Variants in FBRSL1 observed in about 807,000 individuals in gnomAD.
FBRSL1 encodes fibrosin like 1.
Under a neutral mutation model 89.6 loss-of-function variants are expected in FBRSL1, and 51 were observed. The ratio of observed to expected loss-of-function variants is 0.57; its 90% CI spans 0.45 to 0.72. FBRSL1 has a LOEUF of 0.72. Among genes scored for constraint, FBRSL1 ranks in the 30% least tolerant of loss-of-function variants. The probability of loss-of-function intolerance (pLI) is 0.00; values close to 1 mark genes in which losing one functional copy is unlikely to be tolerated. For missense variants in FBRSL1, 1,618 were observed against 1,451.8 expected (o/e 1.11, Z -1.86); for synonymous variants, 779 against 681.1 (o/e 1.14, Z -2.24).
intron 1 of FBRSL1, among the ~76,000 whole-genome samples, chr12:132,491,708 T>C (rs2031007268): frequency 1.3e-5 from 2 of 152,198 alleles, no homozygotes; most frequent in Admixed American, 1.3e-4. Flanking sequence ...GAAGCTGAGC[T>C]TTGGGAAAAG....
At position 132,583,535 on chromosome 12, in the gene FBRSL1, G is replaced by A; in HGVS notation, c.2766G>A (p.Leu922=). 3.8e-6 allele frequency: 4 copies of A among 1,046,858 alleles called. No homozygotes were observed. The highest frequency in any genetic ancestry group is 2.9e-5 in the South Asian group (1 of 34,550). 64.8% of individuals were successfully genotyped at this position (1,046,858 alleles called of 1,614,324 possible). ...CCCCCGCCTTGGACGGCGCGCTGCT[G>A]CCCTCGCTGGGAGCCCTGCACTTCC... ...PAAPALDGAL[L]PSLGALHFPR... The change falls in exon 19 of 19, where the codon CTG becomes CTA. Residue 922 remains leucine (L), a synonymous_variant. Coordinates refer to ENST00000680143, the MANE Select transcript of FBRSL1 (RefSeq NM_001367871.1).
At chr12:132,556,072 TC>T (rs1488967833) in intron 5 of FBRSL1, among the ~76,000 whole-genome samples, 8 of 152,194 alleles carry the variant, frequency 5.3e-5, no homozygotes, top group Non-Finnish European at 1.2e-4. Flanking sequence ...TTCTGCACTT[TC>T]CCTGGGAGCT....
At chr12:132,501,844 T>A (rs893732061) in intron 1 of FBRSL1, among the ~76,000 whole-genome samples, 2 of 152,156 alleles carry the variant, frequency 1.3e-5, no homozygotes, top group Admixed American at 6.5e-5. Flanking sequence ...GTGGCTCCTC[T>A]CCTTCCTTCG....
intron 1 of FBRSL1, among the ~76,000 whole-genome samples, chr12:132,494,515 C>T (rs1478480739): frequency 6.6e-6 from 1 of 152,238 alleles, no homozygotes; most frequent in African/African-American, 2.4e-5. Context: ...ATGCTGGCCG[C>T]TCGGCCCCAG....
Position 132,581,823 on chromosome 12 carries a change from G to C in FBRSL1, c.1995G>C (p.Leu665=). 2 of 1,544,230 alleles carry C rather than the reference G, an allele frequency of 1.3e-6. No individual in the cohort carries two copies. Among genetic ancestry groups the C allele is most frequent in the Non-Finnish European group, 1.7e-6 (2 of 1,143,744 alleles). ...HAFGGLGSHA[L]APGGSIFAPK... ...TTGGGGGCCTGGGCAGCCATGCACT[G>C]GGTGAGTGACCCAGCCTGTGCCCCC... The change falls in exon 17 of 19, where the codon CTG becomes CTC. Residue 665 remains leucine (L), a splice_region_variant and synonymous_variant. Coordinates refer to ENST00000680143, the MANE Select transcript of FBRSL1 (RefSeq NM_001367871.1).
chr12:132,576,358 A>G (rs751143316), intron 14 of FBRSL1, among the ~76,000 whole-genome samples: 2 of 151,918 alleles, frequency 1.3e-5, no homozygotes, highest in Non-Finnish European at 2.9e-5. Flanking sequence ...GCGCCCAGCT[A>G]ATTTTTGTAT....
chr12:132,550,067 G>C (rs984278545), intron 5 of FBRSL1, among the ~76,000 whole-genome samples: 5 of 151,902 alleles, frequency 3.3e-5, no homozygotes, highest in Admixed American at 6.6e-5. Context: ...TCCTGCACAC[G>C]GAGGGTCCCG....
At position 132,532,063 on chromosome 12, in the gene FBRSL1, G is replaced by T. The variant is rs144046984; in HGVS notation, c.615+4075G>T. On this transcript the variant is annotated intron_variant, in intron 4 of 18. Transcript: ENST00000680143. ...ACAGAATGAGGATCCACAAGAGCTTGCTGGGGTTGGAGCCATTCCTGCCGG... is the reference window on the plus strand; with the variant it reads ...ACAGAATGAGGATCCACAAGAGCTTTCTGGGGTTGGAGCCATTCCTGCCGG... Among the ~76,000 whole-genome samples the T allele has an allele frequency of 4.6e-3, 694 of 152,324 alleles. 4 individuals carry two copies. The highest frequency in any genetic ancestry group is 0.016 in the African/African-American group (665 of 41,564).
At chr12:132,571,035 G>T in intron 8 of FBRSL1, 33 bp from the exon 9 acceptor site, 6 of 1,288,376 alleles carry the variant, frequency 4.7e-6, no homozygotes, top group Non-Finnish European at 5.9e-6. Context: ...TGGCTCCCGG[G>T]GAGGGGCTCA....
chr12:132,545,602 C>T (rs746028489), intron 4 of FBRSL1, among the ~76,000 whole-genome samples: 1 of 152,226 alleles, frequency 6.6e-6, no homozygotes, highest in Non-Finnish European at 1.5e-5. Flanking sequence ...AGACCTGAAA[C>T]CCACGGGGAG....
intron 10 of FBRSL1, 52 bp downstream of exon 10, chr12:132,572,396 C>G: frequency 6.5e-7 from 1 of 1,540,258 alleles, no homozygotes; most frequent in Non-Finnish European, 8.8e-7. Flanking sequence ...CAGGTCCTGG[C>G]CACGGGGCGG....
intron 2 of FBRSL1, chr12:132,511,144 G>A (rs1334315228): frequency 4.1e-6 from 4 of 985,374 alleles, no homozygotes; most frequent in African/African-American, 3.5e-5. Context: ...GGGCACATGG[G>A]CCCATCTGGT....
chr12:132,525,937 C>A, intron 3 of FBRSL1, 114 bp downstream of exon 3: 1 of 826,218 alleles, frequency 1.2e-6, no homozygotes, highest in Non-Finnish European at 1.9e-6. Context: ...GTGCCCTGCA[C>A]AAGGGCGTCC....
Position 132,583,136 on chromosome 12 carries a change from C to T in FBRSL1, c.2367C>T (p.Ala789=). The stretch of plus-strand genomic sequence containing the variant: ...GGGTCAAGGAGAGCCGCTCCCCGGC[C>T]AAGGAGGAGGCCGCCAAGATGCCCG... ...EPRVKESRSP[A]KEEAAKMPAR... Residue 789 remains alanine (A), a synonymous_variant, in exon 19 of 19, where the codon GCC becomes GCT. Coordinates refer to ENST00000680143, the MANE Select transcript of FBRSL1 (RefSeq NM_001367871.1). 1.4e-6 allele frequency: 2 copies of T among 1,463,844 alleles called. No homozygotes were observed. The highest frequency in any genetic ancestry group is 2.6e-5 in the South Asian group (2 of 78,358). The allele number at this position is 1,463,844 out of a possible 1,614,324, so 90.7% of individuals were successfully genotyped here. A position where few individuals can be genotyped will look rare whatever the true frequency, so the allele number is the denominator to read the frequency against.
chr12:132,493,081 C>T (rs538697436), intron 1 of FBRSL1, among the ~76,000 whole-genome samples: 1 of 152,356 alleles, frequency 6.6e-6, no homozygotes, highest in East Asian at 1.9e-4. Flanking sequence ...CAGATGGGGA[C>T]CTTGAGGCTC....
rs1260080381 is a variant in FBRSL1, at chr12:132,544,133, G to T, written c.616-3870G>T. Among the ~76,000 whole-genome samples, 4 of 152,304 alleles carry T rather than the reference G, an allele frequency of 2.6e-5. No individual in the cohort carries two copies. The South Asian group carries it at 8.3e-4, about 32-fold the overall frequency. The stretch of plus-strand genomic sequence containing the variant: ...ACCCGGCTGCTACTCCCCACCCCAG[G>T]CACCCGGGTTTAAGTGGTCTAGGGG... On this transcript the variant is annotated intron_variant, in intron 4 of 18. Coordinates refer to ENST00000680143, the MANE Select transcript of FBRSL1 (RefSeq NM_001367871.1).
intron 1 of FBRSL1, among the ~76,000 whole-genome samples, chr12:132,492,747 T>A (rs945285797): frequency 1.3e-5 from 2 of 152,246 alleles, no homozygotes; most frequent in Non-Finnish European, 2.9e-5. Context: ...AGTCTGCTGC[T>A]GCGTGGCGTT....
At chr12:132,510,036 C>T in intron 2 of FBRSL1, 1 of 1,231,484 alleles carries the variant, frequency 8.1e-7, no homozygotes, top group Non-Finnish European at 1.0e-6. Flanking sequence ...CCCAGAGCAG[C>T]CCGGCCCACT....
intron 5 of FBRSL1, among the ~76,000 whole-genome samples, chr12:132,556,602 C>CT (rs2038673464): frequency 1.3e-5 from 1 of 76,754 alleles, no homozygotes; most frequent in Admixed American, 1.2e-4. Context: ...TTCCTGCTGC[C>CT]CCCGCCACCC....
Sources: gnomAD v4.1 joint callset for allele counts (sites outside exome capture counted in the v4.1 genomes callset) on GRCh38, gnomAD v4.1.1 for gene constraint, MANE v1.5 for transcripts, NCBI Gene and HGNC (gene_info 2026-07-23, HGNC 2026-07-21) for gene names.